Variants in ADAMTS20 observed in about 807,000 individuals in gnomAD.
ADAMTS20 encodes ADAM metallopeptidase with thrombospondin type 1 motif 20.
Under a neutral mutation model 260.1 loss-of-function variants are expected in ADAMTS20, and 225 were observed. The observed-to-expected ratio is 0.87, with a 90% CI of 0.78 to 0.97. The LOEUF (loss-of-function observed/expected upper bound fraction) is 0.97. Among genes scored for constraint, ADAMTS20 ranks in the 50% least tolerant of loss-of-function variants. The pLI, the probability that ADAMTS20 is intolerant of heterozygous loss-of-function variation, is 0.00. For synonymous variants in ADAMTS20, 802 were observed against 769.5 expected (o/e 1.04, Z -0.70); for missense variants, 2,400 against 2,337.7 (o/e 1.03, Z -0.55).
intron 16 of ADAMTS20, among the ~76,000 whole-genome samples, chr12:43,441,022 G>A (rs1457146975): frequency 3.4e-5 from 5 of 148,370 alleles, no homozygotes; most frequent in Admixed American, 6.8e-5. Flanking sequence ...CTGAGATAGC[G>A]CCACTGCACT....
At chr12:43,387,535 GCT>G (rs1187730827) in intron 29 of ADAMTS20, among the ~76,000 whole-genome samples, 1 of 152,208 alleles carries the variant, frequency 6.6e-6, no homozygotes, top group African/African-American at 2.4e-5. Flanking sequence ...GAGATCCACT[GCT>G]CTCTTCAGAG....
At position 43,546,952 on chromosome 12, in the gene ADAMTS20, A is replaced by C. The variant is rs116510495; in HGVS notation, c.453+3957T>G. Among the ~76,000 whole-genome samples, 726 of 152,272 alleles carry C rather than the reference A, an allele frequency of 4.8e-3. 6 individuals carry two copies. Among genetic ancestry groups the C allele is most frequent in the African/African-American group, 0.016 (666 of 41,568 alleles). Reference sequence around the variant, plus strand: ...GTTAAACAAAGAAAATTTCTGCCAGACTCTTAGACTCTTCTGGTTCTTGGG... The same window carrying C: ...GTTAAACAAAGAAAATTTCTGCCAGCCTCTTAGACTCTTCTGGTTCTTGGG... On this transcript the variant is annotated intron_variant, in intron 2 of 38. Transcript: ENST00000389420.
chr12:43,454,671 C>G (rs979557375), intron 11 of ADAMTS20, among the ~76,000 whole-genome samples: 4 of 152,120 alleles, frequency 2.6e-5, no homozygotes, highest in Non-Finnish European at 5.9e-5. Context: ...TCTCACTACA[C>G]CAAACATCAC....
At chr12:43,364,794 A>G (rs1039270169) in intron 37 of ADAMTS20, among the ~76,000 whole-genome samples, 1 of 152,176 alleles carries the variant, frequency 6.6e-6, no homozygotes, top group Non-Finnish European at 1.5e-5. Flanking sequence ...AAAAGAGCAG[A>G]GAATATATTT....
intron 29 of ADAMTS20, among the ~76,000 whole-genome samples, chr12:43,398,279 T>G (rs1226793840): frequency 1.3e-5 from 2 of 152,188 alleles, no homozygotes; most frequent in Non-Finnish European, 2.9e-5. Flanking sequence ...GCTGGTGGTG[T>G]TTGACAGTCA....
rs568807190 is a variant in ADAMTS20 at position 43,525,495 on chromosome 12, T to C, written c.613+6541A>G. Among the ~76,000 whole-genome samples the C allele has an allele frequency of 2.3e-4, 35 of 152,264 alleles. No homozygotes were observed. The South Asian group carries it at 3.7e-3, about 16-fold the overall frequency. On this transcript the variant is annotated intron_variant, in intron 3 of 38. Coordinates refer to ENST00000389420, the MANE Select transcript of ADAMTS20 (RefSeq NM_025003.5). ...AAAAGTATCTAGGTAACAATTAACA[T>C]GATGAATGGAACAGTATCTCACATC... is the stretch of plus-strand genomic sequence containing the variant.
chr12:43,392,453 G>C (rs1940615719), intron 29 of ADAMTS20, among the ~76,000 whole-genome samples: 1 of 151,958 alleles, frequency 6.6e-6, no homozygotes, highest in Admixed American at 6.6e-5. Context: ...CACTAAGAGA[G>C]CAGCTAGCTA....
At chr12:43,431,621 C>T (rs913513920) in intron 21 of ADAMTS20, 125 bp from the exon 22 acceptor site, 1 of 1,110,412 alleles carries the variant, frequency 9.0e-7, no homozygotes, top group African/African-American at 1.6e-5. Context: ...TGCATTTTCC[C>T]TCACTCCACC....
Position 43,502,215 on chromosome 12 carries a change from A to G in ADAMTS20, c.804T>C (p.Asp268=). The change falls in exon 4 of 39, where the codon GAT becomes GAC. Residue 268 remains aspartate, a synonymous_variant. Transcript: ENST00000389420. ...PRYIEIMVTA[D]AKVVSAHGSN... ...ATCCATGAGCAGAAACCACTTTAGC[A>G]TCAGCTGTAACCATAATTTCAATGT... 6.2e-7 allele frequency: 1 copy of G among 1,611,380 alleles called. No homozygotes were observed. Among genetic ancestry groups the G allele is most frequent in the Non-Finnish European group, 8.5e-7 (1 of 1,178,952 alleles).
chr12:43,426,063 C>A (rs1941327304), intron 27 of ADAMTS20, among the ~76,000 whole-genome samples: 1 of 152,022 alleles, frequency 6.6e-6, no homozygotes, highest in Non-Finnish European at 1.5e-5. Flanking sequence ...ACATAATGTA[C>A]AATATCCAAT....
Position 43,511,478 on chromosome 12 carries a change from G to C in ADAMTS20, c.614-9073C>G, listed in dbSNP as rs11182120. ...TGCCTTTTATAAGTGCTCAGTAAAT[G>C]TTCGTGGAAAGAAAGAAAAAGGATT... is the stretch of plus-strand genomic sequence containing the variant. On this transcript the variant is annotated intron_variant, in intron 3 of 38. Transcript: ENST00000389420. 8.2e-3 allele frequency among the ~76,000 whole-genome samples: 1,254 copies of C among 152,102 alleles called. 19 individuals are homozygous for C. The highest frequency in any genetic ancestry group is 0.028 in the African/African-American group (1,176 of 41,492).
At chr12:43,458,427 T>G (rs911066016) in intron 11 of ADAMTS20, among the ~76,000 whole-genome samples, 3 of 152,204 alleles carry the variant, frequency 2.0e-5, no homozygotes, top group African/African-American at 7.2e-5. Context: ...CTTATAAGTC[T>G]CTTTCTCTCT....
Position 43,354,230 on chromosome 12 carries a change from A to T in ADAMTS20, c.5712T>A (p.Gly1904=), listed in dbSNP as rs1939695747. ...ATGTTCATATGACTTGAATTGGGAG[A>T]CCAGTAGTCATGTGAGGAAGACACT... ...CGKCLPHMTT[G]LPIQVI The change falls in exon 39 of 39, where the codon GGT becomes GGA. Residue 1904 remains glycine, a synonymous_variant. Transcript: ENST00000389420. 1.3e-6 allele frequency: 2 copies of T among 1,590,320 alleles called. No homozygotes were observed. The highest frequency in any genetic ancestry group is 2.3e-5 in the South Asian group (2 of 87,120).
At chr12:43,547,791 T>C (rs1457515717) in intron 2 of ADAMTS20, among the ~76,000 whole-genome samples, 1 of 152,126 alleles carries the variant, frequency 6.6e-6, no homozygotes, top group Non-Finnish European at 1.5e-5. Context: ...TATACAGCAC[T>C]AGTGAGAGCC....
chr12:43,519,004 C>T (rs761964700), intron 3 of ADAMTS20, among the ~76,000 whole-genome samples: 1 of 151,932 alleles, frequency 6.6e-6, no homozygotes, highest in Non-Finnish European at 1.5e-5. Flanking sequence ...TACTGCAGTA[C>T]CTCCTAATTG....
At chr12:43,360,163 C>T (rs912556113) in intron 37 of ADAMTS20, among the ~76,000 whole-genome samples, 2 of 152,122 alleles carry the variant, frequency 1.3e-5, no homozygotes, top group Non-Finnish European at 2.9e-5. Context: ...AAACACATAT[C>T]ACCGGCCGGG....
intron 36 of ADAMTS20, among the ~76,000 whole-genome samples, chr12:43,370,258 C>G (rs538545627): frequency 6.6e-6 from 1 of 152,310 alleles, no homozygotes; most frequent in African/African-American, 2.4e-5. Context: ...TTACCAGAGC[C>G]AGCTTGTACC....
intron 29 of ADAMTS20, among the ~76,000 whole-genome samples, chr12:43,387,235 C>T (rs1940498751): frequency 6.6e-6 from 1 of 152,212 alleles, no homozygotes; most frequent in East Asian, 1.9e-4. Flanking sequence ...TTCCTTCCAA[C>T]AGTCAGGCCC....
At chr12:43,409,613 A>C (rs1319111139) in intron 28 of ADAMTS20, among the ~76,000 whole-genome samples, 1 of 145,568 alleles carries the variant, frequency 6.9e-6, no homozygotes, top group South Asian at 2.1e-4. Context: ...AAAAAAAAAA[A>C]AAAAAAAAAA....
Sources: allele counts gnomAD v4.1 joint callset (sites outside exome capture counted in the v4.1 genomes callset), GRCh38; gene constraint gnomAD v4.1.1; transcripts MANE v1.5; gene names NCBI Gene and HGNC (gene_info 2026-07-23, HGNC 2026-07-21).